GRID2: variants seen among roughly 807,000 people sequenced by gnomAD.
GRID2 encodes glutamate ionotropic receptor delta type subunit 2.
Under a neutral mutation model 114.8 loss-of-function variants are expected in GRID2, and 33 were observed. The ratio of observed to expected loss-of-function variants is 0.29; its 90% CI spans 0.22 to 0.38. The LOEUF (loss-of-function observed/expected upper bound fraction) is 0.38. GRID2 is among the 10% of genes least tolerant of loss of function. GRID2 has a pLI of 1.00. For synonymous variants in GRID2, 505 were observed against 449.9 expected (o/e 1.12, Z -1.55); for missense variants, 1,184 against 1,257.7 (o/e 0.94, Z 0.89).
chr4:93,313,652 C>T (rs1213237290), intron 8 of GRID2, among the ~76,000 whole-genome samples: 2 of 152,108 alleles, frequency 1.3e-5, no homozygotes, highest in Non-Finnish European at 2.9e-5. Context: ...TTGTTTTATG[C>T]TAAGTACTAG....
chr4:93,001,907 G>A lies in GRID2; in HGVS notation c.245-83088G>A, dbSNP rs183507247. 2.0e-3 allele frequency among the ~76,000 whole-genome samples: 304 copies of A among 150,662 alleles called. 1 individual carries two copies. Among genetic ancestry groups the A allele is most frequent in the Non-Finnish European group, 3.0e-3 (203 of 67,388 alleles). On this transcript the variant is annotated intron_variant, in intron 2 of 15. Transcript: ENST00000282020. ...TTTTGTATATCACAAAATTATAAAG[G>A]ATAGACACCAGGGTAATTATTTTAG...
At chr4:92,738,093 C>T (rs542467153) in intron 2 of GRID2, among the ~76,000 whole-genome samples, 79 of 152,194 alleles carry the variant, frequency 5.2e-4, no homozygotes, top group African/African-American at 1.9e-3. Context: ...TTAAAAGTTT[C>T]CTGACTTTTT....
intron 2 of GRID2, among the ~76,000 whole-genome samples, chr4:92,712,940 G>A (rs1167102459): frequency 2.0e-5 from 3 of 151,882 alleles, no homozygotes; most frequent in Admixed American, 6.6e-5. Flanking sequence ...TTCAAACCCA[G>A]AGTCAAATTA....
chr4:93,600,054 T>C (rs1739510937), intron 13 of GRID2, among the ~76,000 whole-genome samples: 2 of 152,164 alleles, frequency 1.3e-5, no homozygotes, highest in African/African-American at 4.8e-5. Context: ...TTAGCTGCCA[T>C]ATACCACAGC....
intron 2 of GRID2, among the ~76,000 whole-genome samples, chr4:92,689,947 G>A (rs941788283): frequency 1.3e-5 from 2 of 152,000 alleles, no homozygotes; most frequent in Admixed American, 1.3e-4. Flanking sequence ...TTGGCTTAAG[G>A]GACTGTTGTA....
intron 9 of GRID2, among the ~76,000 whole-genome samples, chr4:93,399,535 A>G (rs1256241654): frequency 1.3e-5 from 2 of 152,092 alleles, no homozygotes; most frequent in Non-Finnish European, 1.5e-5. Flanking sequence ...ATCAACAAGG[A>G]GTGTTGAATC....
intron 1 of GRID2, among the ~76,000 whole-genome samples, chr4:92,500,064 C>T (rs1392783690): frequency 1.3e-5 from 2 of 152,250 alleles, no homozygotes; most frequent in East Asian, 1.9e-4. Context: ...GACAACAATT[C>T]GTTCTCTGTC....
intron 1 of GRID2, among the ~76,000 whole-genome samples, chr4:92,420,835 C>CCAT: frequency 6.6e-6 from 1 of 152,236 alleles, no homozygotes; most frequent in Non-Finnish European, 1.5e-5. Context: ...CAGGCACGTG[C>CCAT]CATCATGCCC....
intron 8 of GRID2, among the ~76,000 whole-genome samples, chr4:93,351,221 T>C (rs1278379486): frequency 2.0e-5 from 3 of 152,068 alleles, no homozygotes; most frequent in Non-Finnish European, 4.4e-5. Flanking sequence ...TGTTAATACG[T>C]ACAAGTACTT....
chr4:92,831,500 T>G (rs1235273734), intron 2 of GRID2, among the ~76,000 whole-genome samples: 1 of 152,072 alleles, frequency 6.6e-6, no homozygotes, highest in African/African-American at 2.4e-5. Flanking sequence ...TTCGTTTTTT[T>G]TTTTTTTCAA....
chr4:93,321,367 G>T (rs1757194169), intron 8 of GRID2, among the ~76,000 whole-genome samples: 1 of 151,900 alleles, frequency 6.6e-6, no homozygotes, highest in South Asian at 2.1e-4. Flanking sequence ...ATTTTACCAA[G>T]GATCCTATTT....
At chr4:92,961,166 A>C (rs907775496) in intron 2 of GRID2, among the ~76,000 whole-genome samples, 1 of 151,894 alleles carries the variant, frequency 6.6e-6, no homozygotes, top group Non-Finnish European at 1.5e-5. Context: ...ATGCATTTTT[A>C]ATAAAAACAT....
intron 1 of GRID2, among the ~76,000 whole-genome samples, chr4:92,579,293 T>C (rs1482145443): frequency 6.6e-6 from 1 of 152,112 alleles, no homozygotes; most frequent in Non-Finnish European, 1.5e-5. Context: ...CAGTGTATAC[T>C]CTATCATCGC....
intron 8 of GRID2, among the ~76,000 whole-genome samples, chr4:93,239,399 T>TTGAG (rs3970977): frequency 0.65 from 97,672 of 149,966 alleles, 32,118 homozygotes; most frequent in Middle Eastern, 0.78. Flanking sequence ...CCTAACATAA[T>TTGAG]TGTGTACGCA....
chr4:93,283,002 C>G (rs531156476), intron 8 of GRID2, among the ~76,000 whole-genome samples: 6 of 152,128 alleles, frequency 3.9e-5, no homozygotes, highest in African/African-American at 1.4e-4. Context: ...CAGGAAGGAT[C>G]TGCACTTATG....
intron 8 of GRID2, among the ~76,000 whole-genome samples, chr4:93,251,824 G>T (rs987784442): frequency 6.2e-4 from 95 of 152,240 alleles, no homozygotes; most frequent in African/African-American, 2.3e-3. Context: ...CATGTCCCTG[G>T]AAAGGATATG....
chr4:93,305,529 G>A (rs986139208), intron 8 of GRID2, among the ~76,000 whole-genome samples: 1 of 152,102 alleles, frequency 6.6e-6, no homozygotes, highest in Admixed American at 6.6e-5. Context: ...TATTGAGAGA[G>A]GTTTAATTGA....
intron 12 of GRID2, among the ~76,000 whole-genome samples, chr4:93,502,841 G>T (rs775771779): frequency 2.6e-5 from 4 of 151,844 alleles, no homozygotes; most frequent in Non-Finnish European, 4.4e-5. Context: ...AATAGCAAGT[G>T]GTGAGGAAGG....
chr4:93,795,711 C>A (rs567686995), intron 1 of GRID2, among the ~76,000 whole-genome samples: 2 of 152,144 alleles, frequency 1.3e-5, no homozygotes, highest in African/African-American at 2.4e-5. Flanking sequence ...TCCCAAATTA[C>A]GGGATTAATC....
Sources: gnomAD v4.1 joint callset for allele counts (sites outside exome capture counted in the v4.1 genomes callset) on GRCh38, gnomAD v4.1.1 for gene constraint, MANE v1.5 for transcripts, NCBI Gene and HGNC (gene_info 2026-07-23, HGNC 2026-07-21) for gene names.